Variants in BBS9 observed in about 807,000 individuals in gnomAD.
BBS9 encodes the protein protein PTHB1.
A neutral mutation model predicts 117.7 loss-of-function variants in BBS9; 89 were observed. That is an observed-to-expected ratio of 0.76 (90% confidence interval 0.64 to 0.90). The LOEUF (loss-of-function observed/expected upper bound fraction) is 0.90. Ranked by LOEUF, BBS9 falls within the 40% of genes least tolerant of loss-of-function variation. BBS9 has a pLI of 0.00. For synonymous variants in BBS9, 379 were observed against 370.9 expected, an observed-to-expected ratio of 1.02 and a Z score of -0.25; for missense variants, 982 against 1,042.2, an observed-to-expected ratio of 0.94 and a Z score of 0.80.
intron 9 of BBS9, among the ~76,000 whole-genome samples, chr7:33,326,428 G>C (rs1013308267): frequency 1.1e-4 from 17 of 152,232 alleles, no homozygotes; most frequent in African/African-American, 3.9e-4. Context: ...CTGTCCGAGA[G>C]CCAAGGATTA....
At chr7:33,397,910 C>T (rs886679308) in intron 19 of BBS9, among the ~76,000 whole-genome samples, 1 of 151,992 alleles carries the variant, frequency 6.6e-6, no homozygotes, top group Admixed American at 6.6e-5. Flanking sequence ...GTGCAACAAA[C>T]CACTGTGGCA....
intron 8 of BBS9, 85 bp downstream of exon 8, chr7:33,273,280 T>C (rs1800159959): frequency 7.5e-7 from 1 of 1,328,430 alleles, no homozygotes; most frequent in African/African-American, 1.5e-5. Flanking sequence ...ATACACATAT[T>C]GTAAACATAT....
chr7:33,484,394 C>T (rs1222829206), intron 19 of BBS9, among the ~76,000 whole-genome samples: 1 of 152,144 alleles, frequency 6.6e-6, no homozygotes, highest in African/African-American at 2.4e-5. Context: ...GAATCATAGC[C>T]ATTTAAAATA....
chr7:33,610,143 G>C (rs1212753832), downstream of BBS9, among the ~76,000 whole-genome samples: 1 of 152,126 alleles, frequency 6.6e-6, no homozygotes, highest in African/African-American at 2.4e-5. Context: ...TAACAGGAGA[G>C]AGTGAGCGAG....
chr7:33,346,314 A>G, intron 12 of BBS9: 1 of 467,050 alleles, frequency 2.1e-6, no homozygotes, highest in Non-Finnish European at 4.4e-6. Context: ...GTGAATGAAG[A>G]TGTGGCTACC....
rs574137298 is a variant in BBS9 at position 33,442,795 on chromosome 7, G to T, written c.2115+54651G>T. On this transcript the variant is annotated intron_variant, in intron 19 of 22. Coordinates refer to ENST00000242067, the MANE Select transcript of BBS9 (RefSeq NM_198428.3). Reference sequence around the variant, plus strand: ...GGTCTCATTAGCTTGGTGTTTATCAGATTTCTTTAGTTAACCCAGGTCTGC... The same window carrying T: ...GGTCTCATTAGCTTGGTGTTTATCATATTTCTTTAGTTAACCCAGGTCTGC... Among the ~76,000 whole-genome samples the T allele has an allele frequency of 7.9e-5, 12 of 152,184 alleles. No individual in the cohort carries two copies. In the South Asian group the frequency reaches 2.3e-3, roughly 29 times the overall value.
chr7:33,401,104 C>T (rs749475219), intron 19 of BBS9, among the ~76,000 whole-genome samples: 1 of 152,142 alleles, frequency 6.6e-6, no homozygotes, highest in Non-Finnish European at 1.5e-5. Flanking sequence ...GAATTAGGCC[C>T]TCAGCCAAAT....
At chr7:33,160,631 A>G (rs528129003) in intron 4 of BBS9, among the ~76,000 whole-genome samples, 1 of 152,254 alleles carries the variant, frequency 6.6e-6, no homozygotes, top group East Asian at 1.9e-4. Flanking sequence ...CTGGGGAGAA[A>G]CTTTCCTGTT....
intron 5 of BBS9, among the ~76,000 whole-genome samples, chr7:33,252,617 G>C (rs530816876): frequency 1.3e-5 from 2 of 152,034 alleles, no homozygotes; most frequent in African/African-American, 4.8e-5. Context: ...GTCTTTGGGA[G>C]ACTGAAGATT....
At chr7:33,154,061 T>C (rs1327935083) in intron 3 of BBS9, among the ~76,000 whole-genome samples, 2 of 152,180 alleles carry the variant, frequency 1.3e-5, no homozygotes, top group Non-Finnish European at 2.9e-5. Flanking sequence ...GAAGTTAACG[T>C]TGTTAAGTAG....
chr7:33,449,664 C>G (rs1200860364), intron 19 of BBS9, among the ~76,000 whole-genome samples: 1 of 152,134 alleles, frequency 6.6e-6, no homozygotes, highest in Non-Finnish European at 1.5e-5. Flanking sequence ...AGTACAAAGA[C>G]ATTTTCAGGA....
intron 16 of BBS9, among the ~76,000 whole-genome samples, chr7:33,362,440 A>T (rs1242171908): frequency 1.3e-5 from 2 of 151,924 alleles, no homozygotes; most frequent in Non-Finnish European, 2.9e-5. Context: ...GCTGATATTT[A>T]TGTGTGATGT....
chr7:33,421,148 A>G (rs956198123), intron 19 of BBS9, among the ~76,000 whole-genome samples: 5 of 152,022 alleles, frequency 3.3e-5, no homozygotes, highest in Non-Finnish European at 4.4e-5. Flanking sequence ...AAACTGTAGA[A>G]CTGCCTGCTT....
At chr7:33,285,502 A>G (rs1386352825) in intron 9 of BBS9, among the ~76,000 whole-genome samples, 38 of 152,130 alleles carry the variant, frequency 2.5e-4, no homozygotes, top group Admixed American at 2.5e-3. Context: ...TCATTGAAGG[A>G]TTTTGGGGGT....
At chr7:33,546,556 TA>T (rs1479538453) in intron 21 of BBS9, among the ~76,000 whole-genome samples, 1 of 152,232 alleles carries the variant, frequency 6.6e-6, no homozygotes, top group African/African-American at 2.4e-5. Context: ...AATACTATGT[TA>T]TTTTACTAGA....
At chr7:33,392,060 T>G (rs1402887871) in intron 19 of BBS9, among the ~76,000 whole-genome samples, 1 of 152,240 alleles carries the variant, frequency 6.6e-6, no homozygotes, top group Non-Finnish European at 1.5e-5. Context: ...GAATTTATTG[T>G]GCAATTTAGT....
At chr7:33,175,560 C>T (rs1437211483) in intron 4 of BBS9, among the ~76,000 whole-genome samples, 1 of 152,118 alleles carries the variant, frequency 6.6e-6, no homozygotes, top group Non-Finnish European at 1.5e-5. Flanking sequence ...GAGCAGGAAA[C>T]ATTTATGGAC....
chr7:33,181,585 T>C (rs1798105019), intron 5 of BBS9, among the ~76,000 whole-genome samples: 1 of 152,244 alleles, frequency 6.6e-6, no homozygotes, highest in African/African-American at 2.4e-5. Context: ...TTTACACCTT[T>C]TTTTGTTGTA....
At chr7:33,382,348 T>C (rs1432349503) in intron 17 of BBS9, among the ~76,000 whole-genome samples, 1 of 151,642 alleles carries the variant, frequency 6.6e-6, no homozygotes, top group African/African-American at 2.4e-5. Flanking sequence ...TAATCCCAGT[T>C]GTTTGGGAGG....
Sources: gnomAD v4.1 joint callset for allele counts (sites outside exome capture counted in the v4.1 genomes callset) on GRCh38, gnomAD v4.1.1 for gene constraint, MANE v1.5 for transcripts, NCBI Gene and HGNC (gene_info 2026-07-23, HGNC 2026-07-21) for gene names.